SMIM22: variants seen among roughly 807,000 people sequenced by gnomAD.
SMIM22 encodes the protein small integral membrane protein 22, also known as cancer associated small integral membrane open reading frame 1.
SMIM22 carries 16 observed loss-of-function variants against 8.4 expected under a neutral mutation model. The observed-to-expected ratio is 1.90, with a 90% CI of 1.29 to 2.89. SMIM22 has a LOEUF of 2.89. Ranked by LOEUF, SMIM22 falls within the 30% of genes most tolerant of loss-of-function variation. The pLI, the probability that SMIM22 is intolerant of heterozygous loss-of-function variation, is 0.00. For synonymous variants in SMIM22, 67 were observed against 47.6 expected, an observed-to-expected ratio of 1.41 and a Z score of -1.68; for missense variants, 159 against 107.5, an observed-to-expected ratio of 1.48 and a Z score of -2.12.
At chr16:4,793,475 T>C (rs1327712448), upstream of SMIM22, among the ~76,000 whole-genome samples, 1 of 152,110 alleles carries the variant, frequency 6.6e-6, no homozygotes, top group Non-Finnish European at 1.5e-5. Flanking sequence ...AAAGCAATAA[T>C]ACCCACTTTA....
At chr16:4,793,109 C>CAAAAAA (rs3085033), upstream of SMIM22, among the ~76,000 whole-genome samples, 1 of 67,506 alleles carries the variant, frequency 1.5e-5, no homozygotes, top group Non-Finnish European at 2.9e-5. Context: ...AACTCTGTCT[C>CAAAAAA]AAAAAAAAAA....
At chr16:4,792,121 G>T (rs1051563467), upstream of SMIM22, among the ~76,000 whole-genome samples, 2 of 152,214 alleles carry the variant, frequency 1.3e-5, no homozygotes, top group Non-Finnish European at 2.9e-5. Context: ...GAGGGGAGAG[G>T]AGGGGACAGT....
chr16:4,796,302 C>T lies in SMIM22; in HGVS notation c.*71C>T. 1.3e-6 allele frequency: 2 copies of T among 1,510,782 alleles called. No individual in the cohort carries two copies. The highest frequency in any genetic ancestry group is 2.5e-5 in the East Asian group (1 of 40,666). 93.6% of individuals were successfully genotyped at this position (1,510,782 alleles called of 1,614,324 possible). A position where few individuals can be genotyped will look rare whatever the true frequency, so the allele number is the denominator to read the frequency against. On this transcript the variant is annotated 3_prime_UTR_variant, in exon 4 of 4. Transcript: ENST00000586005. ...CCAGAGCCTGAGTCTGCAGTGTCTT[C>T]CAGTCCCCGTCTGGGTGGGTGACGC...
At chr16:4,794,454 CTT>C (rs1007752469), upstream of SMIM22, among the ~76,000 whole-genome samples, 4 of 133,558 alleles carry the variant, frequency 3.0e-5, no homozygotes, top group Admixed American at 1.5e-4. Flanking sequence ...GAGTTTTGCT[CTT>C]GTTGCCCAGG....
chr16:4,795,762 G>A lies in SMIM22; in HGVS notation c.28G>A (p.Ala10Thr). The A allele has an allele frequency of 6.5e-7, 1 of 1,535,926 alleles. No homozygotes were observed. The highest frequency in any genetic ancestry group is 8.7e-7 in the Non-Finnish European group (1 of 1,146,800). The stretch of plus-strand genomic sequence containing the variant: ...GGCTGTGTCCACAGAGGAGCTGGAG[G>A]CCACGGTTCAGGAAGTCCTGGGGAG... Reference protein sequence around the residue: MAVSTEELEATVQEVLGRLK... With the variant: MAVSTEELETTVQEVLGRLK... Residue 10 changes from alanine to threonine, a missense_variant, in exon 2 of 4, where the codon GCC becomes ACC. Transcript: ENST00000586005.
At position 4,795,405 on chromosome 16, in the gene SMIM22, C is replaced by A; in HGVS notation, c.-65C>A. 1 of 304,982 alleles carries A rather than the reference C, an allele frequency of 3.3e-6. No homozygotes were observed. The allele number at this position is 304,982 out of a possible 1,614,324, so 18.9% of individuals were successfully genotyped here. On this transcript the variant is annotated 5_prime_UTR_variant, in exon 1 of 4. Coordinates refer to ENST00000586005, the MANE Select transcript of SMIM22 (RefSeq NM_001253794.2). ...AGCCGGAAGCAGGAAGCAGCCTGTG[C>A]TCCCCAGGACCTGCCTGGTTGGGGG...
At chr16:4,789,137 G>T (rs532781001) in intron 2 of SMIM22, among the ~76,000 whole-genome samples, 1 of 152,226 alleles carries the variant, frequency 6.6e-6, no homozygotes, top group Admixed American at 6.5e-5. Flanking sequence ...TCTTGCCTCA[G>T]CCTCCCAAGT....
At chr16:4,794,391 G>A (rs185762434), upstream of SMIM22, among the ~76,000 whole-genome samples, 7 of 151,208 alleles carry the variant, frequency 4.6e-5, no homozygotes, top group Admixed American at 1.3e-4. Context: ...ACAGGCATGA[G>A]CCACCACACC....
intron 2 of SMIM22, among the ~76,000 whole-genome samples, chr16:4,790,351 C>T (rs751630839): frequency 3.9e-5 from 6 of 152,156 alleles, no homozygotes; most frequent in East Asian, 1.9e-4. Context: ...TAAGTAAAAC[C>T]GTATTCACAG....
chr16:4,794,577 C>T (rs768495607), upstream of SMIM22, among the ~76,000 whole-genome samples: 5 of 152,096 alleles, frequency 3.3e-5, no homozygotes, highest in Non-Finnish European at 4.4e-5. Flanking sequence ...TGTGCCACCA[C>T]GCCTGGCTAA....
In SMIM22 at chr16:4,795,949, C is replaced by A. The variant is rs1443100423; in HGVS notation, c.126C>A (p.Gly42=). 3 of 1,512,198 alleles carry A rather than the reference C, an allele frequency of 2.0e-6. No homozygotes were observed. Among genetic ancestry groups the A allele is most frequent in the Non-Finnish European group, 2.6e-6 (3 of 1,134,850 alleles). 93.7% of individuals were successfully genotyped at this position (1,512,198 alleles called of 1,614,324 possible). A position where few individuals can be genotyped will look rare whatever the true frequency, so the allele number is the denominator to read the frequency against. Residue 42 remains glycine, a splice_region_variant and synonymous_variant, in exon 3 of 4, where the codon GGC becomes GGA. Transcript: ENST00000586005. The stretch of plus-strand genomic sequence containing the variant: ...CCTGGACGCCTGTCCTGTCCCCAGG[C>A]ACCGTGCTGCTCCTGCTGCTGCTGG... ...VAFIVFLTFM[G]TVLLLLLLVV...
upstream of SMIM22, among the ~76,000 whole-genome samples, chr16:4,791,672 C>T (rs771765061): frequency 4.6e-5 from 7 of 152,144 alleles, no homozygotes; most frequent in African/African-American, 1.2e-4. Flanking sequence ...TGGGACTGGG[C>T]GGGGCTCTGT....
Position 4,795,999 on chromosome 16 carries a change from G to T in SMIM22, c.176G>T (p.Ser59Ile). The change falls in exon 3 of 4, where the codon AGC becomes ATC. Residue 59 changes from serine to isoleucine, a missense_variant. Transcript: ENST00000586005. ...LLVVAHCCCC[S>I]SPGPRRESPR... ...GTCGTCGCCCACTGCTGCTGCTGCA[G>T]CTCCCCCGGGCCCCGCAGGGAAAGC... The T allele has an allele frequency of 6.6e-7, 1 of 1,508,264 alleles. No individual in the cohort carries two copies. The highest frequency in any genetic ancestry group is 8.8e-7 in the Non-Finnish European group (1 of 1,133,214). The allele number at this position is 1,508,264 out of a possible 1,614,324, so 93.4% of individuals were successfully genotyped here. A position where few individuals can be genotyped will look rare whatever the true frequency, so the allele number is the denominator to read the frequency against.
At chr16:4,796,094 G>A (rs1302576014) in intron 3 of SMIM22, 46 bp downstream of exon 3, 5 of 1,535,476 alleles carry the variant, frequency 3.3e-6, no homozygotes, top group East Asian at 4.9e-5. Context: ...TGTACTGGGG[G>A]TGGAGGCGGA....
chr16:4,792,142 C>A (rs1260397175), upstream of SMIM22, among the ~76,000 whole-genome samples: 1 of 152,244 alleles, frequency 6.6e-6, no homozygotes, highest in Non-Finnish European at 1.5e-5. Context: ...GGGCCTCCTG[C>A]CCACCCAGCC....
chr16:4,790,733 G>A (rs1022652679), upstream of SMIM22, among the ~76,000 whole-genome samples: 1 of 152,186 alleles, frequency 6.6e-6, no homozygotes, highest in Admixed American at 6.6e-5. Flanking sequence ...AGGTTGCAGT[G>A]AGCCGAGATC....
chr16:4,796,143 G>A (rs2082641124), intron 3 of SMIM22, 47 bp from the exon 4 acceptor site: 14 of 1,535,820 alleles, frequency 9.1e-6, no homozygotes, highest in African/African-American at 2.7e-5. Flanking sequence ...CATCCCCCTA[G>A]GGAACAACGA....
At chr16:4,792,866 T>C (rs866497746), upstream of SMIM22, among the ~76,000 whole-genome samples, 11 of 149,894 alleles carry the variant, frequency 7.3e-5, no homozygotes, top group Admixed American at 3.3e-4. Context: ...TCCTAGCACT[T>C]TGGGAGGCCA....
upstream of SMIM22, among the ~76,000 whole-genome samples, chr16:4,794,666 C>T (rs1266910488): frequency 6.6e-6 from 1 of 150,964 alleles, no homozygotes; most frequent in East Asian, 2.0e-4. Flanking sequence ...TCAGCTGACC[C>T]GCCTCTGCCT....
Sources: allele counts gnomAD v4.1 joint callset (sites outside exome capture counted in the v4.1 genomes callset), GRCh38; gene constraint gnomAD v4.1.1; transcripts MANE v1.5; gene names NCBI Gene and HGNC (gene_info 2026-07-23, HGNC 2026-07-21).